RPGRIP1L: variants seen among roughly 807,000 people sequenced by gnomAD.
The protein encoded by RPGRIP1L is protein fantom.
RPGRIP1L carries 131 observed loss-of-function variants against 160.4 expected under a neutral mutation model. The ratio of observed to expected loss-of-function variants is 0.82; its 90% CI spans 0.71 to 0.94. RPGRIP1L has a LOEUF of 0.94. RPGRIP1L is among the 40% of genes least tolerant of loss of function. The pLI, the probability that RPGRIP1L is intolerant of heterozygous loss-of-function variation, is 0.00. For synonymous variants in RPGRIP1L, 510 were observed against 515.8 expected (o/e 0.99, Z 0.15); for missense variants, 1,522 against 1,535.8 (o/e 0.99, Z 0.15).
At chr16:53,659,139 C>T (rs889923012) in intron 10 of RPGRIP1L, 3 of 743,890 alleles carry the variant, frequency 4.0e-6, no homozygotes, top group Non-Finnish European at 5.3e-6. Flanking sequence ...AAATTGTGGC[C>T]TCTGGGACTT....
At chr16:53,621,096 C>G (rs1325508278) in intron 23 of RPGRIP1L, among the ~76,000 whole-genome samples, 8 of 152,064 alleles carry the variant, frequency 5.3e-5, no homozygotes, top group African/African-American at 1.9e-4. Context: ...TATCACAGAA[C>G]CTAATGAAGA....
chr16:53,630,639 G>A (rs1418233429), intron 22 of RPGRIP1L, among the ~76,000 whole-genome samples: 1 of 152,088 alleles, frequency 6.6e-6, no homozygotes, highest in African/African-American at 2.4e-5. Context: ...ATTAGTAAGA[G>A]TTAGTTAAAT....
intron 24 of RPGRIP1L, among the ~76,000 whole-genome samples, chr16:53,616,730 C>T (rs191473171): frequency 1.3e-5 from 2 of 151,868 alleles, no homozygotes; most frequent in Admixed American, 6.6e-5. Context: ...TGTTAACATA[C>T]CAATTAGACA....
rs576570862 is a variant in RPGRIP1L at position 53,634,531 on chromosome 16, G to T, written c.3294+1908C>A. ...ATCCGCAGTGTGGCAGTGTGGGGAG[G>T]TGGAGTCTATTGGGAGGTGTTTGGG... On this transcript the variant is annotated intron_variant, in intron 22 of 26. Transcript: ENST00000647211. 2.6e-5 allele frequency among the ~76,000 whole-genome samples: 4 copies of T among 152,302 alleles called. No individual in the cohort carries two copies. The South Asian group carries it at 8.3e-4, about 32-fold the overall frequency.
intron 6 of RPGRIP1L, among the ~76,000 whole-genome samples, chr16:53,686,170 T>C (rs1170089589): frequency 6.6e-6 from 1 of 152,090 alleles, no homozygotes; most frequent in Non-Finnish European, 1.5e-5. Context: ...TCTTGGCAAA[T>C]GGGGTAAATG....
chr16:53,688,865 AAGAAT>A (rs1464012497), intron 4 of RPGRIP1L, among the ~76,000 whole-genome samples: 16 of 152,006 alleles, frequency 1.1e-4, no homozygotes, highest in Non-Finnish European at 2.2e-4. Context: ...TGTAATCCAG[AAGAAT>A]AGAAAAGGCT....
chr16:53,618,840 C>G (rs1964538270), intron 24 of RPGRIP1L, among the ~76,000 whole-genome samples, 185 bp downstream of exon 24: 2 of 152,148 alleles, frequency 1.3e-5, no homozygotes, highest in South Asian at 4.1e-4. Flanking sequence ...AGCCACTGTG[C>G]CTGGCCCAAC....
intron 7 of RPGRIP1L, among the ~76,000 whole-genome samples, chr16:53,673,218 G>C (rs935194203): frequency 4.6e-5 from 7 of 152,142 alleles, no homozygotes; most frequent in African/African-American, 1.7e-4. Flanking sequence ...TGTGACATGA[G>C]GAAGAAAATA....
chr16:53,697,133 A>G (rs1320338264), intron 2 of RPGRIP1L, among the ~76,000 whole-genome samples: 1 of 152,024 alleles, frequency 6.6e-6, no homozygotes, highest in Non-Finnish European at 1.5e-5. Flanking sequence ...GGTTGCAGTG[A>G]GCTGAGATTG....
Position 53,645,922 on chromosome 16 carries a change from T to C in RPGRIP1L, c.2386A>G (p.Ile796Val). 6.2e-7 allele frequency: 1 copy of C among 1,614,154 alleles called. No individual in the cohort carries two copies. The highest frequency in any genetic ancestry group is 8.5e-7 in the Non-Finnish European group (1 of 1,180,010). ...GACTGCAGGTGGTTGCAACATCTTATTGTAATGTGAAGTTCATTTAAGTTG... is the reference window on the plus strand; with the variant it reads ...GACTGCAGGTGGTTGCAACATCTTACTGTAATGTGAAGTTCATTTAAGTTG... ...DGNLNELHIT[I>V]RCCNHLQSRA... Residue 796 changes from isoleucine to valine, a missense_variant, in exon 17 of 27, where the codon ATA becomes GTA. Physicochemically the swap from Ile to Val is conservative, Grantham distance 29 (BLOSUM62 3). Coordinates refer to ENST00000647211, the MANE Select transcript of RPGRIP1L (RefSeq NM_015272.5).
intron 5 of RPGRIP1L, among the ~76,000 whole-genome samples, chr16:53,687,588 T>A (rs979291632): frequency 6.6e-6 from 1 of 152,166 alleles, no homozygotes; most frequent in Non-Finnish European, 1.5e-5. Flanking sequence ...AATCTTACAC[T>A]ATTCTAACTG....
chr16:53,654,792 C>T (rs2151139383), intron 14 of RPGRIP1L, among the ~76,000 whole-genome samples: 1 of 152,150 alleles, frequency 6.6e-6, no homozygotes, highest in East Asian at 1.9e-4. Context: ...GAATGAAAAT[C>T]CCAAACACTG....
chr16:53,688,001 G>C, intron 4 of RPGRIP1L, 36 bp from the exon 5 acceptor site: 2 of 1,245,898 alleles, frequency 1.6e-6, no homozygotes, highest in Non-Finnish European at 2.4e-6. Context: ...TTACAGAATT[G>C]AAGTTAGAAA....
At chr16:53,659,324 A>C (rs1242245678) in intron 10 of RPGRIP1L, 1 of 377,386 alleles carries the variant, frequency 2.6e-6, no homozygotes, top group East Asian at 1.4e-4. Context: ...TTATTAAAAC[A>C]AGGTAATTTC....
In RPGRIP1L at chr16:53,686,561, C is replaced by A; in HGVS notation, c.648G>T (p.Gln216His). 1 of 1,613,548 alleles carries A rather than the reference C, an allele frequency of 6.2e-7. No homozygotes were observed. ...GEIRNLENVI[Q>H]SQRGQIEELE... ...ACTCCTCTATCTGGCCTCTTTGTGA[C>A]TGAATAACGTTTTCTCTGAAATAAA... The change falls in exon 6 of 27, where the codon CAG becomes CAT. Residue 216 changes from glutamine to histidine, a missense_variant. Gln to His is a conservative substitution (Grantham distance 24). Coordinates refer to ENST00000647211, the MANE Select transcript of RPGRIP1L (RefSeq NM_015272.5).
In RPGRIP1L at chr16:53,599,323, A is replaced by G. The variant is rs1417291847; in HGVS notation, c.*2753T>C. 1 of 152,252 alleles carries G rather than the reference A, an allele frequency of 6.6e-6. No homozygotes were observed. The highest frequency in any genetic ancestry group is 1.9e-4 in the East Asian group (1 of 5,202). 9.4% of individuals were successfully genotyped at this position (152,252 alleles called of 1,614,324 possible). A position where few individuals can be genotyped will look rare whatever the true frequency, so the allele number is the denominator to read the frequency against. ...TTAAGTTAAATGGCAGTAAACCATG[A>G]TAATTTAGAAAACATGGTGAAACTG... is the stretch of plus-strand genomic sequence containing the variant. On this transcript the variant is annotated 3_prime_UTR_variant, in exon 27 of 27. Coordinates refer to ENST00000647211, the MANE Select transcript of RPGRIP1L (RefSeq NM_015272.5).
chr16:53,678,148 T>TA (rs1567870882), intron 6 of RPGRIP1L, among the ~76,000 whole-genome samples: 2 of 148,368 alleles, frequency 1.3e-5, no homozygotes, highest in Non-Finnish European at 3.0e-5. Flanking sequence ...TTTTTTTTTT[T>TA]AAAAAAACCA....
At chr16:53,695,771 C>T in intron 3 of RPGRIP1L, 1 of 344,216 alleles carries the variant, frequency 2.9e-6, no homozygotes. Context: ...AGGGAATGTG[C>T]ATTCTAACAA....
In RPGRIP1L at chr16:53,638,324, G is replaced by A. The variant is rs1339763900; in HGVS notation, c.3046C>T (p.Pro1016Ser). ...CAAATGCATACCTTGGGAACATGTGGAACAGTCAGCATATTAATTTCTATT... is the reference window on the plus strand; with the variant it reads ...CAAATGCATACCTTGGGAACATGTGAAACAGTCAGCATATTAATTTCTATT... ...PEIEINMLTV[P>S]HVPKVSQEGS... The change falls in exon 20 of 27, where the codon CCA becomes TCA. Residue 1016 changes from proline (P) to serine (S), a missense_variant. Pro to Ser is a moderately conservative substitution (Grantham distance 74). Transcript: ENST00000647211. 2 of 1,570,848 alleles carry A rather than the reference G, an allele frequency of 1.3e-6. No homozygotes were observed. Among genetic ancestry groups the A allele is most frequent in the Non-Finnish European group, 1.8e-6 (2 of 1,141,436 alleles).
Sources: gnomAD v4.1 joint callset for allele counts (sites outside exome capture counted in the v4.1 genomes callset) on GRCh38, gnomAD v4.1.1 for gene constraint, MANE v1.5 for transcripts, NCBI Gene and HGNC (gene_info 2026-07-23, HGNC 2026-07-21) for gene names.